STT3B: variants seen among roughly 807,000 people sequenced by gnomAD.
The protein encoded by STT3B is STT3 oligosaccharyltransferase complex catalytic subunit B.
Under a neutral mutation model 96.8 loss-of-function variants are expected in STT3B, and 29 were observed. The observed-to-expected ratio is 0.30, with a 90% CI of 0.22 to 0.41. STT3B has a LOEUF of 0.41. Ranked by LOEUF, STT3B falls within the 10% of genes least tolerant of loss-of-function variation. The pLI, the probability that STT3B is intolerant of heterozygous loss-of-function variation, is 1.00. For missense variants in STT3B, 640 were observed against 1,022.3 expected, an observed-to-expected ratio of 0.63 and a Z score of 5.10; for synonymous variants, 367 against 360.0, an observed-to-expected ratio of 1.02 and a Z score of -0.22.
chr3:31,575,157 A>G (rs1287286937), intron 1 of STT3B, among the ~76,000 whole-genome samples: 2 of 152,106 alleles, frequency 1.3e-5, no homozygotes, highest in African/African-American at 4.8e-5. Flanking sequence ...TGTTTTACAA[A>G]TGAAGAAACT....
chr3:31,553,261 C>T (rs2125441117), intron 1 of STT3B, among the ~76,000 whole-genome samples: 1 of 152,202 alleles, frequency 6.6e-6, no homozygotes, highest in South Asian at 2.1e-4. Flanking sequence ...GCTAAGTATT[C>T]ACCCAAAGAA....
At chr3:31,576,784 A>C (rs1292520979) in intron 2 of STT3B, among the ~76,000 whole-genome samples, 5 of 152,130 alleles carry the variant, frequency 3.3e-5, no homozygotes. Context: ...AATGAAGTTC[A>C]GTTTATTTGT....
intron 1 of STT3B, among the ~76,000 whole-genome samples, chr3:31,572,231 A>G (rs1171137532): frequency 1.4e-5 from 2 of 146,182 alleles, no homozygotes; most frequent in African/African-American, 5.0e-5. Flanking sequence ...TATATATATG[A>G]TGAGGAATGC....
rs1699530113 is a variant in STT3B, at chr3:31,626,026, T to C, written c.1972T>C (p.Leu658=). ...GAGGACTCTAGATGTAGATTATGTTTTGGTTATTTTTGGAGGGGTTATTGG... is the reference window on the plus strand; with the variant it reads ...GAGGACTCTAGATGTAGATTATGTTCTGGTTATTTTTGGAGGGGTTATTGG... ...IMRTLDVDYV[L]VIFGGVIGYS... Residue 658 remains leucine, a synonymous_variant, in exon 13 of 16, where the codon TTG becomes CTG. Transcript: ENST00000295770. 6.2e-7 allele frequency: 1 copy of C among 1,613,722 alleles called. No individual in the cohort carries two copies. Among genetic ancestry groups the C allele is most frequent in the Non-Finnish European group, 8.5e-7 (1 of 1,179,860 alleles).
rs151094476 is a variant in STT3B at position 31,539,625 on chromosome 3, C to T, written c.314+6313C>T. The stretch of plus-strand genomic sequence containing the variant: ...TCTATCAGAATACCTCTTCACAATC[C>T]GGGCTGTAGCTAACTAAGCTTACTA... On this transcript the variant is annotated intron_variant, in intron 1 of 15. Transcript: ENST00000295770. Among the ~76,000 whole-genome samples, 60 of 152,208 alleles carry T rather than the reference C, an allele frequency of 3.9e-4. 1 individual carries two copies. Among genetic ancestry groups the T allele is most frequent in the Middle Eastern group, 6.8e-3 (2 of 294 alleles).
chr3:31,597,171 T>C (rs1469036516), intron 4 of STT3B, among the ~76,000 whole-genome samples: 1 of 152,166 alleles, frequency 6.6e-6, no homozygotes. Context: ...ATTTATTTAT[T>C]TATTTTGAGA....
At chr3:31,612,996 T>A (rs749956629) in intron 5 of STT3B, among the ~76,000 whole-genome samples, 2 of 152,184 alleles carry the variant, frequency 1.3e-5, no homozygotes, top group Non-Finnish European at 2.9e-5. Context: ...ACCTTTGCAA[T>A]TGAACCAATT....
At chr3:31,612,931 T>A (rs1699217686) in intron 5 of STT3B, among the ~76,000 whole-genome samples, 1 of 152,136 alleles carries the variant, frequency 6.6e-6, no homozygotes, top group Non-Finnish European at 1.5e-5. Flanking sequence ...TAGAGGGAAA[T>A]AAATAGGGTG....
intron 14 of STT3B, among the ~76,000 whole-genome samples, chr3:31,632,637 C>T (rs545388593): frequency 6.8e-6 from 1 of 146,486 alleles, no homozygotes; most frequent in Admixed American, 6.9e-5. Context: ...ATAAAAAGGG[C>T]TTTGATAGAT....
At chr3:31,550,651 T>C (rs1697527913) in intron 1 of STT3B, among the ~76,000 whole-genome samples, 1 of 152,226 alleles carries the variant, frequency 6.6e-6, no homozygotes, top group African/African-American at 2.4e-5. Flanking sequence ...TATGTAATCA[T>C]ATTAGGCTTG....
At chr3:31,600,918 A>G (rs751551783) in intron 5 of STT3B, among the ~76,000 whole-genome samples, 4 of 152,150 alleles carry the variant, frequency 2.6e-5, no homozygotes, top group African/African-American at 4.8e-5. Flanking sequence ...TTTTAAAACA[A>G]TATTTTCACT....
intron 1 of STT3B, among the ~76,000 whole-genome samples, chr3:31,553,159 C>T (rs1274596018): frequency 6.7e-6 from 1 of 149,948 alleles, no homozygotes; most frequent in Non-Finnish European, 1.5e-5. Flanking sequence ...AACTCCTGTA[C>T]ATTGCTGATG....
chr3:31,551,236 G>C (rs2125440081), intron 1 of STT3B, among the ~76,000 whole-genome samples: 1 of 148,880 alleles, frequency 6.7e-6, no homozygotes, highest in Non-Finnish European at 1.5e-5. Context: ...TTTGGTTTTT[G>C]ATAGGGTCTT....
intron 4 of STT3B, among the ~76,000 whole-genome samples, chr3:31,597,672 T>A (rs1698822356): frequency 6.6e-6 from 1 of 152,078 alleles, no homozygotes. Flanking sequence ...TTGCCCAGAC[T>A]GGTCTTAAGC....
chr3:31,574,723 C>T (rs549900066), intron 1 of STT3B, among the ~76,000 whole-genome samples: 100 of 152,162 alleles, frequency 6.6e-4, no homozygotes, highest in African/African-American at 2.3e-3. Context: ...TATATTACTC[C>T]TTTGCCTTAT....
At chr3:31,622,707 T>G (rs1228415701) in intron 10 of STT3B, among the ~76,000 whole-genome samples, 1 of 152,198 alleles carries the variant, frequency 6.6e-6, no homozygotes, top group African/African-American at 2.4e-5. Context: ...GTGCATACTT[T>G]CAAAATATTT....
intron 1 of STT3B, among the ~76,000 whole-genome samples, chr3:31,570,336 A>G (rs573572496): frequency 6.6e-6 from 1 of 152,220 alleles, no homozygotes; most frequent in African/African-American, 2.4e-5. Context: ...AATGTAGTTC[A>G]TTGTGAGGTG....
chr3:31,616,349 G>A (rs1699307012), intron 6 of STT3B, among the ~76,000 whole-genome samples: 1 of 151,744 alleles, frequency 6.6e-6, no homozygotes, highest in Non-Finnish European at 1.5e-5. Context: ...TGCCTCAGGG[G>A]AGAACAAACA....
At chr3:31,548,308 C>G (rs1697465093) in intron 1 of STT3B, among the ~76,000 whole-genome samples, 1 of 151,580 alleles carries the variant, frequency 6.6e-6, no homozygotes, top group African/African-American at 2.4e-5. Flanking sequence ...CATAGTAACA[C>G]AGGGAAAATG....
Sources: allele counts gnomAD v4.1 joint callset (sites outside exome capture counted in the v4.1 genomes callset), GRCh38; gene constraint gnomAD v4.1.1; transcripts MANE v1.5; gene names NCBI Gene and HGNC (gene_info 2026-07-23, HGNC 2026-07-21).